The following PAX7 variants were observed in gnomAD, a reference collection of about 807,000 sequenced individuals.
PAX7 encodes the protein paired box protein Pax-7.
In PAX7, 18 loss-of-function variants were observed where a neutral mutation model predicts 50.7. The observed-to-expected ratio is 0.36, with a 90% CI of 0.25 to 0.53. The LOEUF (loss-of-function observed/expected upper bound fraction) is 0.53. PAX7 is among the 20% of genes least tolerant of loss of function. The pLI is 0.93. For synonymous variants in PAX7, 310 were observed against 290.4 expected, an observed-to-expected ratio of 1.07 and a Z score of -0.69; for missense variants, 644 against 702.9, an observed-to-expected ratio of 0.92 and a Z score of 0.95.
intron 4 of PAX7, among the ~76,000 whole-genome samples, chr1:18,680,242 T>C (rs896396739): frequency 6.6e-6 from 1 of 152,068 alleles, no homozygotes; most frequent in African/African-American, 2.4e-5. Flanking sequence ...GCAGCTCTTA[T>C]TCCCAGGGGG....
At chr1:18,651,573 G>C (rs951639253) in intron 4 of PAX7, among the ~76,000 whole-genome samples, 5 of 152,162 alleles carry the variant, frequency 3.3e-5, no homozygotes, top group Admixed American at 6.5e-5. Flanking sequence ...AAGGAAAGTG[G>C]TGTCACATCT....
At chr1:18,731,608 C>T (rs940867328) in intron 7 of PAX7, among the ~76,000 whole-genome samples, 19 of 152,102 alleles carry the variant, frequency 1.2e-4, no homozygotes, top group Non-Finnish European at 2.4e-4. Context: ...CCCCTCCCGC[C>T]GCTCTCCAGT....
chr1:18,716,567 C>A (rs1374648687), intron 7 of PAX7, among the ~76,000 whole-genome samples: 1 of 151,456 alleles, frequency 6.6e-6, no homozygotes, highest in African/African-American at 2.4e-5. Flanking sequence ...TTCCTCTTTT[C>A]TCCCTTCGCG....
Position 18,735,648 on chromosome 1 carries a change from G to T in PAX7, c.1172G>T (p.Gly391Val), listed in dbSNP as rs1048418333. Reference sequence around the variant, plus strand: ...TCCCCACAGGTGATGAGCATCTTGGGCAACCCCAGTGCGGTGCCCCCGCAG... The same window carrying T: ...TCCCCACAGGTGATGAGCATCTTGGTCAACCCCAGTGCGGTGCCCCCGCAG... ...GLSPQVMSIL[G>V]NPSAVPPQPQ... Residue 391 changes from glycine to valine, a missense_variant, in exon 8 of 9, where the codon GGC becomes GTC. By Grantham distance (109) the Gly-to-Val change is moderately radical. Coordinates refer to ENST00000420770, the MANE Select transcript of PAX7 (RefSeq NM_001135254.2). This position sits in a 1 kb window ranked among gnomAD's most constrained non-coding sequence, Gnocchi z 4.0. The T allele has an allele frequency of 6.2e-7, 1 of 1,612,712 alleles. No individual in the cohort carries two copies.
At position 18,634,468 on chromosome 1, in the gene PAX7, C is replaced by G. The variant is rs1284965343; in HGVS notation, c.251C>G (p.Ser84Cys). 5.6e-6 allele frequency: 9 copies of G among 1,614,186 alleles called. No individual in the cohort carries two copies. Residue 84 changes from serine to cysteine, a missense_variant, in exon 2 of 9, where the codon TCC becomes TGC. Physicochemically the swap from Ser to Cys is moderately radical, Grantham distance 112. Transcript: ENST00000420770. The surrounding 1 kb of genome is among the most constrained non-coding windows in gnomAD (Gnocchi z 4.0). ...RQLRVSHGCV[S>C]KILCRYQETG... is the part of the protein sequence containing the mutation. ...CTGCGTGTCTCCCACGGCTGCGTCT[C>G]CAAGATTCTTTGCCGCTACCAGGAG... is the stretch of plus-strand genomic sequence containing the variant.
rs1363445544 is a variant in PAX7, at chr1:18,700,630, A to G, written c.787-23A>G. On this transcript the variant is annotated intron_variant, in intron 5 of 8. Transcript: ENST00000420770. This position sits in a 1 kb window ranked among gnomAD's most constrained non-coding sequence, Gnocchi z 4.8. Reference sequence around the variant, plus strand: ...CCAGGAACCTGGCCGAGGGGTCTCCATTCTCTGCTCTCCACCTCCCAGGTC... The same window carrying G: ...CCAGGAACCTGGCCGAGGGGTCTCCGTTCTCTGCTCTCCACCTCCCAGGTC... 6.7e-7 allele frequency: 1 copy of G among 1,502,018 alleles called. No homozygotes were observed. The highest frequency in any genetic ancestry group is 2.2e-5 in the Admixed American group (1 of 44,588). 93.0% of individuals were successfully genotyped at this position (1,502,018 alleles called of 1,614,324 possible). A position where few individuals can be genotyped will look rare whatever the true frequency, so the allele number is the denominator to read the frequency against.
intron 4 of PAX7, among the ~76,000 whole-genome samples, chr1:18,645,486 CCAAGTGGG>C (rs2100444928): frequency 6.6e-6 from 1 of 152,318 alleles, no homozygotes; most frequent in African/African-American, 2.4e-5. Context: ...AGAACCTCAC[CCAAGTGGG>C]CGAGTGGGCG....
chr1:18,698,442 A>T (rs1436449364), intron 5 of PAX7, among the ~76,000 whole-genome samples: 1 of 151,700 alleles, frequency 6.6e-6, no homozygotes, highest in Non-Finnish European at 1.5e-5. Context: ...CCAAACTGAG[A>T]CCCCTCTTCC....
At chr1:18,679,091 G>A (rs973166772) in intron 4 of PAX7, among the ~76,000 whole-genome samples, 9 of 152,300 alleles carry the variant, frequency 5.9e-5, no homozygotes, top group Non-Finnish European at 1.2e-4. Context: ...CACCAGCAGC[G>A]GTTTGAACGC....
chr1:18,725,356 C>G (rs1314640856), intron 7 of PAX7, among the ~76,000 whole-genome samples: 7 of 150,944 alleles, frequency 4.6e-5, no homozygotes, highest in Non-Finnish European at 1.0e-4. Context: ...AGAGCCCAGA[C>G]GTCCTCCTTT....
chr1:18,741,561 A>G (rs1243091573), intron 8 of PAX7, among the ~76,000 whole-genome samples: 3 of 152,228 alleles, frequency 2.0e-5, no homozygotes, highest in Non-Finnish European at 4.4e-5. Flanking sequence ...ACGTAGCAAA[A>G]CATCAGAGGT....
In PAX7 at chr1:18,745,239, A is replaced by C; in HGVS notation, c.*310A>C. ...ATCTCAGGCATGGAGATTGGGGCCC[A>C]CCTTGAACACCTTGGGTGTCCAGAG... On this transcript the variant is annotated 3_prime_UTR_variant, in exon 9 of 9. Coordinates refer to ENST00000420770, the MANE Select transcript of PAX7 (RefSeq NM_001135254.2). The C allele has an allele frequency of 2.4e-6, 1 of 411,062 alleles. No individual in the cohort carries two copies. The highest frequency in any genetic ancestry group is 3.4e-5 in the South Asian group (1 of 29,386). 25.5% of individuals were successfully genotyped at this position (411,062 alleles called of 1,614,324 possible).
chr1:18,748,208 C>T lies in PAX7; in HGVS notation c.*3279C>T, dbSNP rs1167481611. The T allele has an allele frequency of 5.3e-5, 12 of 224,782 alleles. No individual in the cohort carries two copies. Among genetic ancestry groups the T allele is most frequent in the Admixed American group, 1.7e-4 (3 of 17,466 alleles). The allele number at this position is 224,782 out of a possible 1,614,324, so 13.9% of individuals were successfully genotyped here. A position where few individuals can be genotyped will look rare whatever the true frequency, so the allele number is the denominator to read the frequency against. ...ATCTGACTCTGGCTTGAGAACAGGACGGGTCCCAGAGTTTGACCACTGCCA... is the reference window on the plus strand; with the variant it reads ...ATCTGACTCTGGCTTGAGAACAGGATGGGTCCCAGAGTTTGACCACTGCCA... On this transcript the variant is annotated 3_prime_UTR_variant, in exon 9 of 9. Transcript: ENST00000420770.
intron 4 of PAX7, among the ~76,000 whole-genome samples, chr1:18,690,925 T>C (rs1326512392): frequency 6.6e-6 from 1 of 152,054 alleles, no homozygotes; most frequent in Admixed American, 6.5e-5. Flanking sequence ...CACCAGCATT[T>C]AGGAGCAGAG....
Position 18,634,316 on chromosome 1 carries a change from T to A in PAX7, c.99T>A (p.Leu33=). The part of the protein sequence containing the change: ...TGFPLEVSTP[L]GQGRVNQLGG... ...TCCCTTCTCCAGTGTCCACCCCGCT[T>A]GGCCAAGGCCGGGTCAATCAGCTGG... Residue 33 remains leucine, a synonymous_variant, in exon 2 of 9, where the codon CTT becomes CTA. Transcript: ENST00000420770. The surrounding 1 kb of genome is among the most constrained non-coding windows in gnomAD (Gnocchi z 4.0). 1 of 1,613,828 alleles carries A rather than the reference T, an allele frequency of 6.2e-7. No individual in the cohort carries two copies. The highest frequency in any genetic ancestry group is 8.5e-7 in the Non-Finnish European group (1 of 1,179,964).
Position 18,748,504 on chromosome 1 carries a change from T to G in PAX7, c.*3575T>G, listed in dbSNP as rs1931542857. 4.3e-6 allele frequency: 1 copy of G among 231,722 alleles called. No homozygotes were observed. The highest frequency in any genetic ancestry group is 8.5e-6 in the Non-Finnish European group (1 of 117,170). 14.4% of individuals were successfully genotyped at this position (231,722 alleles called of 1,614,324 possible). A position where few individuals can be genotyped will look rare whatever the true frequency, so the allele number is the denominator to read the frequency against. ...CTTGAAACGCTCTGAGACTTCTGTG[T>G]ATTTGATGCTTCTTCAAGTCAGCTC... On this transcript the variant is annotated 3_prime_UTR_variant, in exon 9 of 9. Coordinates refer to ENST00000420770, the MANE Select transcript of PAX7 (RefSeq NM_001135254.2).
intron 4 of PAX7, among the ~76,000 whole-genome samples, chr1:18,656,748 A>G (rs1450415684): frequency 6.6e-6 from 1 of 152,104 alleles, no homozygotes; most frequent in Non-Finnish European, 1.5e-5. Context: ...TAATCCCAGC[A>G]CTTTGGGAAG....
At chr1:18,662,914 GA>G (rs56372683) in intron 4 of PAX7, among the ~76,000 whole-genome samples, 74,499 of 147,894 alleles carry the variant, frequency 0.5, 20,014 homozygotes, top group African/African-American at 0.72. Context: ...TTATTGTGAA[GA>G]AAAAAAAAAA....
intron 7 of PAX7, among the ~76,000 whole-genome samples, chr1:18,730,680 G>A (rs1021223661): frequency 1.3e-4 from 20 of 152,178 alleles, no homozygotes; most frequent in South Asian, 4.1e-4. Context: ...GCTCAGGAAC[G>A]GAGGGAACTA....
Sources: allele counts gnomAD v4.1 joint callset (sites outside exome capture counted in the v4.1 genomes callset), GRCh38; gene constraint gnomAD v4.1.1; non-coding constraint Gnocchi (gnomAD v3.1); transcripts MANE v1.5; gene names NCBI Gene and HGNC (gene_info 2026-07-23, HGNC 2026-07-21).